Variants in ANK3 observed in about 807,000 individuals in gnomAD.
ANK3 encodes ankyrin-3.
A neutral mutation model predicts 370.9 loss-of-function variants in ANK3; 57 were observed. The ratio of observed to expected loss-of-function variants is 0.15; its 90% CI spans 0.12 to 0.19. The LOEUF is 0.19. Among genes scored for constraint, ANK3 ranks in the 10% least tolerant of loss-of-function variants. The pLI, the probability that ANK3 is intolerant of heterozygous loss-of-function variation, is 1.00. For missense variants in ANK3, 4,439 were observed against 5,302.1 expected, an observed-to-expected ratio of 0.84 and a Z score of 5.06; for synonymous variants, 1,929 against 1,946.3, an observed-to-expected ratio of 0.99 and a Z score of 0.23.
chr10:60,626,368 T>C (rs2078410493), intron 1 of ANK3, among the ~76,000 whole-genome samples: 1 of 152,190 alleles, frequency 6.6e-6, no homozygotes, highest in Admixed American at 6.5e-5. Flanking sequence ...TAATAACAAC[T>C]ATAATTTTTA....
chr10:60,269,335 T>G (rs2097925962), intron 5 of ANK3, among the ~76,000 whole-genome samples: 1 of 152,200 alleles, frequency 6.6e-6, no homozygotes, highest in Non-Finnish European at 1.5e-5. Flanking sequence ...ACCACATCTA[T>G]TTAACACTTA....
chr10:60,148,626 A>G (rs1361113495), intron 23 of ANK3, among the ~76,000 whole-genome samples: 1 of 152,190 alleles, frequency 6.6e-6, no homozygotes, highest in Non-Finnish European at 1.5e-5. Context: ...TCTAAGTAAG[A>G]TCAAACACCA....
At chr10:60,448,040 T>C (rs1033018025) in intron 2 of ANK3, among the ~76,000 whole-genome samples, 9 of 152,182 alleles carry the variant, frequency 5.9e-5, no homozygotes, top group African/African-American at 1.9e-4. Context: ...TCTGACATCC[T>C]TTGCAAAGCC....
intron 5 of ANK3, among the ~76,000 whole-genome samples, chr10:60,264,662 C>T (rs1469357989): frequency 3.3e-5 from 5 of 151,098 alleles, no homozygotes; most frequent in African/African-American, 1.2e-4. Context: ...AAAAAAATCT[C>T]AGGCTAAATC....
rs548240444 is a variant in ANK3 at position 60,302,141 on chromosome 10, A to T, written c.115-22502T>A. On this transcript the variant is annotated intron_variant, in intron 1 of 43. Transcript: ENST00000280772. ...ACTTATATACACCAGCAAATGTGGG[A>T]AGACAGATGACAAACCATAAACATA... 7.9e-5 allele frequency among the ~76,000 whole-genome samples: 12 copies of T among 152,338 alleles called. No homozygotes were observed. In the South Asian group the frequency reaches 1.9e-3, roughly 24 times the overall value.
intron 2 of ANK3, among the ~76,000 whole-genome samples, chr10:60,548,236 A>G (rs1269234117): frequency 9.8e-5 from 6 of 61,488 alleles, no homozygotes; most frequent in African/African-American, 3.5e-4. Context: ...TTTTTTTTTG[A>G]GACAAGTCTC....
At chr10:60,672,209 C>T (rs2079071618) in intron 1 of ANK3, among the ~76,000 whole-genome samples, 1 of 152,150 alleles carries the variant, frequency 6.6e-6, no homozygotes, top group South Asian at 2.1e-4. Flanking sequence ...CTAGATGCAT[C>T]TTTTGTTTTG....
intron 1 of ANK3, among the ~76,000 whole-genome samples, chr10:60,729,006 T>G (rs1435131682): frequency 6.6e-6 from 1 of 152,226 alleles, no homozygotes; most frequent in Non-Finnish European, 1.5e-5. Context: ...TATCTTGGAT[T>G]ATATACTTCT....
At chr10:60,317,932 G>A (rs2047810439) in intron 1 of ANK3, among the ~76,000 whole-genome samples, 1 of 151,826 alleles carries the variant, frequency 6.6e-6, no homozygotes, top group African/African-American at 2.4e-5. Flanking sequence ...TAGCCAGGAT[G>A]GTCTCGATCT....
intron 1 of ANK3, among the ~76,000 whole-genome samples, chr10:60,303,349 AC>A (rs2044254905): frequency 6.6e-6 from 1 of 152,344 alleles, no homozygotes; most frequent in East Asian, 1.9e-4. Context: ...ATGAATTCAT[AC>A]AACTCAATAG....
intron 43 of ANK3, among the ~76,000 whole-genome samples, chr10:60,035,491 G>C (rs1001886057): frequency 6.6e-6 from 1 of 151,716 alleles, no homozygotes; most frequent in African/African-American, 2.4e-5. Context: ...GACCTCAGGT[G>C]ATCCACCTGC....
intron 1 of ANK3, among the ~76,000 whole-genome samples, chr10:60,618,044 A>G (rs1310430580): frequency 3.9e-5 from 6 of 152,090 alleles, no homozygotes; most frequent in Non-Finnish European, 7.4e-5. Flanking sequence ...TCAGTTCTTT[A>G]TTTTATGATA....
At chr10:60,089,775 A>T (rs2087738667) in intron 28 of ANK3, among the ~76,000 whole-genome samples, 1 of 152,128 alleles carries the variant, frequency 6.6e-6, no homozygotes, top group Admixed American at 6.6e-5. Flanking sequence ...ATAGAGAATC[A>T]AGAAATAGAT....
chr10:60,314,212 T>C (rs554201698), intron 1 of ANK3, among the ~76,000 whole-genome samples: 4 of 152,358 alleles, frequency 2.6e-5, no homozygotes, highest in East Asian at 1.9e-4. Flanking sequence ...CTGTTTTCAG[T>C]GTAGACAGAA....
intron 2 of ANK3, among the ~76,000 whole-genome samples, chr10:60,581,285 G>T (rs116245701): frequency 6.6e-6 from 1 of 152,022 alleles, no homozygotes; most frequent in Non-Finnish European, 1.5e-5. Flanking sequence ...GCCATTTCTC[G>T]CACACCACCA....
chr10:60,523,024 C>T (rs1233217432), intron 2 of ANK3, among the ~76,000 whole-genome samples: 5 of 151,964 alleles, frequency 3.3e-5, no homozygotes, highest in African/African-American at 4.8e-5. Context: ...ATGAAAAGAA[C>T]ACACCTCTAG....
chr10:60,625,460 T>C (rs762870091), intron 1 of ANK3, among the ~76,000 whole-genome samples: 9 of 152,112 alleles, frequency 5.9e-5, no homozygotes, highest in Non-Finnish European at 1.2e-4. Context: ...ATAATGGAGG[T>C]CAGAAGAAGA....
At chr10:60,521,899 A>G (rs1318889908) in intron 2 of ANK3, among the ~76,000 whole-genome samples, 1 of 152,092 alleles carries the variant, frequency 6.6e-6, no homozygotes, top group Admixed American at 6.6e-5. Flanking sequence ...AATATCAACA[A>G]TGCTTCTACT....
At chr10:60,298,162 G>T (rs570973525) in intron 1 of ANK3, among the ~76,000 whole-genome samples, 1 of 152,110 alleles carries the variant, frequency 6.6e-6, no homozygotes, top group African/African-American at 2.4e-5. Context: ...TTACATTTGG[G>T]CTTTGTTCAA....
Sources: allele counts gnomAD v4.1 joint callset (sites outside exome capture counted in the v4.1 genomes callset), GRCh38; gene constraint gnomAD v4.1.1; transcripts MANE v1.5; gene names NCBI Gene and HGNC (gene_info 2026-07-23, HGNC 2026-07-21).